RBFOX1: variants seen among roughly 807,000 people sequenced by gnomAD.
The protein encoded by RBFOX1 is RNA binding fox-1 homolog 1, also known as RNA binding protein fox-1 homolog 1.
Under a neutral mutation model 57.7 loss-of-function variants are expected in RBFOX1, and 8 were observed. The ratio of observed to expected loss-of-function variants is 0.14; its 90% CI spans 0.08 to 0.25. The LOEUF (loss-of-function observed/expected upper bound fraction) is 0.25. Ranked by LOEUF, RBFOX1 falls within the 10% of genes least tolerant of loss-of-function variation. RBFOX1 has a pLI of 1.00. For synonymous variants in RBFOX1, 326 were observed against 222.4 expected (o/e 1.47, Z -4.15); for missense variants, 611 against 548.5 (o/e 1.11, Z -1.14).
In RBFOX1 at chr16:7,607,269, G is replaced by C; in HGVS notation, c.623-16G>C. 1 of 1,602,664 alleles carries C rather than the reference G, an allele frequency of 6.2e-7. No homozygotes were observed. Among genetic ancestry groups the C allele is most frequent in the Non-Finnish European group, 8.5e-7 (1 of 1,175,530 alleles). On this transcript the variant is annotated splice_polypyrimidine_tract_variant and intron_variant, in intron 9 of 15. Transcript: ENST00000550418. ...AATCAAATGTGATAATAATGTTTTT[G>C]TGTATTTGTTTTAAGGCTGGAAATT...
At chr16:5,434,172 G>A (rs1038749195) in intron 1 of RBFOX1, among the ~76,000 whole-genome samples, 4 of 152,254 alleles carry the variant, frequency 2.6e-5, no homozygotes, top group East Asian at 1.9e-4. Context: ...CATTATTGTT[G>A]TAAGAGTAAA....
chr16:6,319,152 A>T (rs1263460022), intron 2 of RBFOX1, among the ~76,000 whole-genome samples: 2 of 152,176 alleles, frequency 1.3e-5, no homozygotes, highest in Admixed American at 1.3e-4. Context: ...AGCAGGAGCG[A>T]TGACCTAGTA....
chr16:5,550,937 A>G (rs2045437552), intron 2 of RBFOX1, among the ~76,000 whole-genome samples: 1 of 152,222 alleles, frequency 6.6e-6, no homozygotes, highest in South Asian at 2.1e-4. Context: ...TGGAAACCAC[A>G]GCTGATGGGC....
At chr16:7,425,247 A>G (rs2098599080) in intron 4 of RBFOX1, among the ~76,000 whole-genome samples, 1 of 152,226 alleles carries the variant, frequency 6.6e-6, no homozygotes, top group African/African-American at 2.4e-5. Flanking sequence ...ATGCGGATTT[A>G]CAACACACTG....
intron 3 of RBFOX1, chr16:5,838,689 A>G (rs1439062376): frequency 6.6e-6 from 1 of 152,246 alleles, no homozygotes; most frequent in Non-Finnish European, 1.5e-5. Flanking sequence ...CTGTTTTCTT[A>G]TCTGCAAAGT....
At chr16:6,358,212 CTG>C (rs2087740502) in intron 2 of RBFOX1, among the ~76,000 whole-genome samples, 1 of 152,128 alleles carries the variant, frequency 6.6e-6, no homozygotes, top group African/African-American at 2.4e-5. Context: ...CTTCATGAGA[CTG>C]TGTAAAAATT....
At chr16:7,576,064 C>T in intron 5 of RBFOX1, among the ~76,000 whole-genome samples, 1 of 151,592 alleles carries the variant, frequency 6.6e-6, no homozygotes, top group East Asian at 1.9e-4. Context: ...TCCCAAGTAG[C>T]TGGGATGGCA....
At chr16:7,009,563 G>C (rs762468834) in intron 3 of RBFOX1, among the ~76,000 whole-genome samples, 2 of 152,092 alleles carry the variant, frequency 1.3e-5, no homozygotes, top group Non-Finnish European at 1.5e-5. Flanking sequence ...TGATAGGAAT[G>C]AAAGTGCAGC....
chr16:6,793,569 C>A (rs574251867), intron 3 of RBFOX1, among the ~76,000 whole-genome samples: 2 of 152,080 alleles, frequency 1.3e-5, no homozygotes, highest in Non-Finnish European at 2.9e-5. Flanking sequence ...ATTCTTGGCC[C>A]TTCCCTCTGT....
At chr16:6,470,806 C>A (rs2095156994) in intron 2 of RBFOX1, among the ~76,000 whole-genome samples, 1 of 152,036 alleles carries the variant, frequency 6.6e-6, no homozygotes, top group Admixed American at 6.6e-5. Context: ...TTTTTTAACA[C>A]CTCCAGTTAT....
intron 1 of RBFOX1, among the ~76,000 whole-genome samples, chr16:5,434,522 A>G (rs750548191): frequency 1.3e-5 from 2 of 151,646 alleles, no homozygotes; most frequent in African/African-American, 2.4e-5. Context: ...AGGTTTCTCC[A>G]TGTTAAGCTG....
intron 5 of RBFOX1, among the ~76,000 whole-genome samples, chr16:7,552,928 C>T (rs558702163): frequency 5.5e-4 from 83 of 152,074 alleles, no homozygotes; most frequent in South Asian, 1.9e-3. Flanking sequence ...GGTGATCTGC[C>T]CGCCTCGGAC....
intron 3 of RBFOX1, among the ~76,000 whole-genome samples, chr16:6,823,292 T>G (rs1041731390): frequency 5.3e-5 from 8 of 152,026 alleles, no homozygotes; most frequent in Non-Finnish European, 1.0e-4. Context: ...AGTCTTGCTC[T>G]GTCACCGTGG....
At chr16:6,291,137 G>A (rs568481406) in intron 1 of RBFOX1, among the ~76,000 whole-genome samples, 6 of 152,230 alleles carry the variant, frequency 3.9e-5, no homozygotes, top group South Asian at 4.1e-4. Context: ...TCTTGGTTTT[G>A]GTGGGTTTTG....
intron 3 of RBFOX1, among the ~76,000 whole-genome samples, chr16:5,805,361 T>A (rs1442393966): frequency 6.6e-6 from 1 of 152,228 alleles, no homozygotes; most frequent in African/African-American, 2.4e-5. Flanking sequence ...TTCAAAATTC[T>A]ATTAACTAGT....
intron 4 of RBFOX1, among the ~76,000 whole-genome samples, chr16:7,231,647 T>C (rs1248165933): frequency 1.3e-5 from 2 of 152,166 alleles, no homozygotes; most frequent in African/African-American, 4.8e-5. Flanking sequence ...CAAATGCCTA[T>C]CAATAAATTT....
chr16:5,742,472 C>T (rs902737891), intron 3 of RBFOX1, among the ~76,000 whole-genome samples: 1 of 152,256 alleles, frequency 6.6e-6, no homozygotes, highest in South Asian at 2.1e-4. Flanking sequence ...TATATTCTTA[C>T]TTCTGAAGGA....
chr16:6,250,581 G>C (rs1263077423), intron 1 of RBFOX1, among the ~76,000 whole-genome samples: 1 of 152,132 alleles, frequency 6.6e-6, no homozygotes, highest in Non-Finnish European at 1.5e-5. Flanking sequence ...TTTCATGCAG[G>C]AGAAGCCTTT....
At chr16:6,643,202 G>A (rs1006859522) in intron 2 of RBFOX1, among the ~76,000 whole-genome samples, 4 of 152,110 alleles carry the variant, frequency 2.6e-5, no homozygotes, top group Admixed American at 1.3e-4. Flanking sequence ...AAAAGTTTAC[G>A]GACCTGATGA....
Sources: gnomAD v4.1 joint callset for allele counts (sites outside exome capture counted in the v4.1 genomes callset) on GRCh38, gnomAD v4.1.1 for gene constraint, MANE v1.5 for transcripts, NCBI Gene and HGNC (gene_info 2026-07-23, HGNC 2026-07-21) for gene names.